Variants in RANBP17 observed in about 807,000 individuals in gnomAD.
The protein encoded by RANBP17 is ran-binding protein 17.
In RANBP17, 158 loss-of-function variants were observed where a neutral mutation model predicts 141.2. The observed-to-expected ratio is 1.12, with a 90% CI of 0.98 to 1.28. The LOEUF (loss-of-function observed/expected upper bound fraction) is 1.28, where lower values mean the gene tolerates loss of function less well. Among genes scored for constraint, RANBP17 ranks in the 50% most tolerant of loss-of-function variants. The pLI is 0.00. For missense variants in RANBP17, 1,438 were observed against 1,290.7 expected, an observed-to-expected ratio of 1.11 and a Z score of -1.75; for synonymous variants, 430 against 450.0, an observed-to-expected ratio of 0.96 and a Z score of 0.56.
At chr5:171,289,120 C>G (rs1046644678) in intron 25 of RANBP17, among the ~76,000 whole-genome samples, 2 of 152,168 alleles carry the variant, frequency 1.3e-5, no homozygotes, top group Non-Finnish European at 1.5e-5. Context: ...TTCAGTTGCT[C>G]TTTCCTAAAT....
intron 12 of RANBP17, among the ~76,000 whole-genome samples, chr5:170,935,323 T>C (rs59907204): frequency 1.3e-5 from 2 of 152,368 alleles, no homozygotes; most frequent in East Asian, 3.9e-4. Context: ...TCAAAGTCAT[T>C]CTCTGTCCAG....
intron 14 of RANBP17, among the ~76,000 whole-genome samples, chr5:171,060,643 GC>G (rs2127671188): frequency 6.6e-6 from 1 of 152,138 alleles, no homozygotes; most frequent in African/African-American, 2.4e-5. Context: ...TTGTGTCTCT[GC>G]CAGGCTTTGG....
intron 21 of RANBP17, among the ~76,000 whole-genome samples, chr5:171,217,827 A>AT (rs1763308981): frequency 1.3e-5 from 2 of 151,314 alleles, no homozygotes; most frequent in South Asian, 4.2e-4. Context: ...TATTTTGTTA[A>AT]TTTTTTCAAA....
intron 24 of RANBP17, among the ~76,000 whole-genome samples, chr5:171,251,555 A>T (rs977388676): frequency 1.3e-5 from 2 of 152,150 alleles, no homozygotes; most frequent in Non-Finnish European, 2.9e-5. Context: ...AAAAAAAAAA[A>T]AACTTCTTGA....
intron 18 of RANBP17, among the ~76,000 whole-genome samples, chr5:171,184,896 C>T (rs1412039199): frequency 6.6e-6 from 1 of 152,178 alleles, no homozygotes; most frequent in Non-Finnish European, 1.5e-5. Context: ...GGTGCGGTGG[C>T]TCACACCTGT....
chr5:171,117,922 AAT>A (rs1176888819), intron 14 of RANBP17, among the ~76,000 whole-genome samples: 1 of 152,002 alleles, frequency 6.6e-6, no homozygotes, highest in African/African-American at 2.4e-5. Context: ...CTTGCCAATT[AAT>A]AGTTTGCCAG....
intron 12 of RANBP17, among the ~76,000 whole-genome samples, chr5:170,938,296 ACC>A (rs1180718976): frequency 6.6e-6 from 1 of 152,198 alleles, no homozygotes; most frequent in East Asian, 1.9e-4. Context: ...ATTGGTAGAT[ACC>A]CTGGCTTCCA....
chr5:171,198,727 A>AAT (rs1393632066), intron 18 of RANBP17, among the ~76,000 whole-genome samples: 1 of 152,170 alleles, frequency 6.6e-6, no homozygotes, highest in African/African-American at 2.4e-5. Context: ...TTTCCTCTCT[A>AAT]ATACTCTATT....
rs374302138 is a variant in RANBP17 at position 170,977,780 on chromosome 5, G to A, written c.1710+9403G>A. ...CCACATGATTCCAGTGGTTTGAAAT[G>A]TCTGGAATAGGCAAATCTATAGAAA... On this transcript the variant is annotated intron_variant, in intron 14 of 27. Coordinates refer to ENST00000523189, the MANE Select transcript of RANBP17 (RefSeq NM_022897.5). 4.3e-4 allele frequency among the ~76,000 whole-genome samples: 65 copies of A among 152,182 alleles called. 1 individual carries two copies. The South Asian group carries it at 0.012, about 29-fold the overall frequency.
Position 171,298,941 on chromosome 5 carries a change from GC to G in RANBP17, c.*86del. On this transcript the variant is annotated 3_prime_UTR_variant, in exon 28 of 28. Transcript: ENST00000523189. ...GGTCTCAGGACAGTGATGTTGGCTA[GC>G]CCAGGGGAATGTATTTTTCAAAACA... is the stretch of plus-strand genomic sequence containing the variant. The G allele has an allele frequency of 9.9e-7, 1 of 1,006,970 alleles. No individual in the cohort carries two copies. The highest frequency in any genetic ancestry group is 1.5e-6 in the Non-Finnish European group (1 of 652,458). The allele number at this position is 1,006,970 out of a possible 1,614,324, so 62.4% of individuals were successfully genotyped here.
intron 5 of RANBP17, among the ~76,000 whole-genome samples, chr5:170,896,499 C>T (rs1343052410): frequency 6.6e-6 from 1 of 152,068 alleles, no homozygotes; most frequent in African/African-American, 2.4e-5. Flanking sequence ...GGAATTGATT[C>T]TCAACAATGG....
chr5:171,184,092 A>G (rs1007275450), intron 18 of RANBP17, among the ~76,000 whole-genome samples: 4 of 152,204 alleles, frequency 2.6e-5, no homozygotes, highest in African/African-American at 9.7e-5. Flanking sequence ...AATTCAAAAT[A>G]AAATGACTGT....
chr5:171,213,562 T>C, intron 20 of RANBP17, 69 bp from the exon 21 acceptor site: 1 of 1,012,584 alleles, frequency 9.9e-7, no homozygotes, highest in South Asian at 1.3e-5. Context: ...TGTGTGTATG[T>C]GTGTGGCACT....
At chr5:170,923,315 A>C (rs1252137615) in intron 11 of RANBP17, among the ~76,000 whole-genome samples, 1 of 152,180 alleles carries the variant, frequency 6.6e-6, no homozygotes, top group Non-Finnish European at 1.5e-5. Flanking sequence ...AATTTACTGC[A>C]TACATGTAGT....
intron 25 of RANBP17, among the ~76,000 whole-genome samples, chr5:171,288,537 G>T (rs764926193): frequency 2.0e-5 from 3 of 152,224 alleles, no homozygotes; most frequent in Non-Finnish European, 2.9e-5. Flanking sequence ...GCAGACCTAT[G>T]CACATATCCC....
At chr5:171,097,495 T>A (rs930036213) in intron 14 of RANBP17, among the ~76,000 whole-genome samples, 3 of 151,856 alleles carry the variant, frequency 2.0e-5, no homozygotes, top group African/African-American at 2.4e-5. Flanking sequence ...AGTAAACAAG[T>A]CTGTAAATTA....
chr5:170,952,418 G>T (rs1775282565), intron 12 of RANBP17, among the ~76,000 whole-genome samples: 1 of 151,970 alleles, frequency 6.6e-6, no homozygotes, highest in Admixed American at 6.6e-5. Flanking sequence ...TAAAGGATGT[G>T]AATACTTGCC....
At chr5:171,057,575 A>G (rs1412331637) in intron 14 of RANBP17, among the ~76,000 whole-genome samples, 2 of 152,120 alleles carry the variant, frequency 1.3e-5, no homozygotes, top group Non-Finnish European at 2.9e-5. Context: ...ACAATCACAA[A>G]TGATACTGTA....
intron 14 of RANBP17, among the ~76,000 whole-genome samples, chr5:171,153,549 ATACTGGGAACATATT>A (rs2127837911): frequency 6.6e-6 from 1 of 152,344 alleles, no homozygotes; most frequent in Non-Finnish European, 1.5e-5. Context: ...GATATGCAGA[ATACTGGGAACATATT>A]GGAAGATAAC....
Sources: allele counts gnomAD v4.1 joint callset (sites outside exome capture counted in the v4.1 genomes callset), GRCh38; gene constraint gnomAD v4.1.1; transcripts MANE v1.5; gene names NCBI Gene and HGNC (gene_info 2026-07-23, HGNC 2026-07-21).